GLT1D1: variants seen among roughly 807,000 people sequenced by gnomAD.
GLT1D1 encodes the protein glycosyltransferase 1 domain containing 1, also known as glycosyltransferase 1 domain-containing protein 1.
In GLT1D1, 21 loss-of-function variants were observed where a neutral mutation model predicts 28.7. The ratio of observed to expected loss-of-function variants is 0.73; its 90% CI spans 0.52 to 1.05. GLT1D1 has a LOEUF of 1.05. Among genes scored for constraint, GLT1D1 ranks in the 50% least tolerant of loss-of-function variants. The pLI is 0.00. For missense variants in GLT1D1, 343 were observed against 330.6 expected, an observed-to-expected ratio of 1.04 and a Z score of -0.29; for synonymous variants, 147 against 124.8, an observed-to-expected ratio of 1.18 and a Z score of -1.19.
intron 4 of GLT1D1, among the ~76,000 whole-genome samples, chr12:128,922,948 A>C (rs1305476448): frequency 1.5e-5 from 2 of 137,256 alleles, no homozygotes; most frequent in Non-Finnish European, 3.2e-5. Context: ...AAAAAAAAAG[A>C]GTATTAAGGA....
At chr12:128,926,547 T>C (rs2135916536) in intron 4 of GLT1D1, 93 bp downstream of exon 7, 1 of 664,950 alleles carries the variant, frequency 1.5e-6, no homozygotes, top group Non-Finnish European at 2.6e-6. Flanking sequence ...GAGTTTTCTT[T>C]CCTCATTCTT....
intron 6 of GLT1D1, among the ~76,000 whole-genome samples, chr12:128,954,279 AC>A (rs1169052483): frequency 7.8e-5 from 10 of 127,810 alleles, no homozygotes; most frequent in Non-Finnish European, 1.6e-4. Context: ...CCACCACCAC[AC>A]CCGGCTAATT....
chr12:128,886,863 C>T (rs1311808485), intron 2 of GLT1D1, among the ~76,000 whole-genome samples: 1 of 152,082 alleles, frequency 6.6e-6, no homozygotes, highest in African/African-American at 2.4e-5. Context: ...TCAACATCTC[C>T]CAAAGCCTAA....
In GLT1D1 at chr12:128,888,649, C is replaced by T; in HGVS notation, c.228C>T (p.Ile76=). Residue 76 remains isoleucine, a synonymous_variant, in exon 3 of 8, where the codon ATC becomes ATT. Transcript: ENST00000281703. ...GTCATCGTTTTGCAGGCCACCGAAT[C>T]CCTTTTGGAGTCATCTTTGGTGGAA... 1 of 1,611,374 alleles carries T rather than the reference C, an allele frequency of 6.2e-7. No individual in the cohort carries two copies. Among genetic ancestry groups the T allele is most frequent in the Non-Finnish European group, 8.5e-7 (1 of 1,178,064 alleles).
chr12:128,896,327 T>C (rs1215614477), intron 3 of GLT1D1, among the ~76,000 whole-genome samples: 1 of 152,136 alleles, frequency 6.6e-6, no homozygotes, highest in Non-Finnish European at 1.5e-5. Flanking sequence ...GTCCTGACTT[T>C]ATAAAATATT....
At chr12:128,889,154 G>A (rs117604159) in intron 3 of GLT1D1, among the ~76,000 whole-genome samples, 2,795 of 152,162 alleles carry the variant, frequency 0.018, 41 homozygotes, top group Middle Eastern at 0.048. Flanking sequence ...CAAGTGTTCT[G>A]GATGTAGAAA....
intron 4 of GLT1D1, among the ~76,000 whole-genome samples, chr12:128,913,295 C>T (rs144001629): frequency 1.3e-5 from 2 of 152,280 alleles, no homozygotes; most frequent in Non-Finnish European, 2.9e-5. Flanking sequence ...TCTTGGTTCA[C>T]GTCAACCTCC....
chr12:128,906,903 A>G, intron 4 of GLT1D1: 1 of 702,550 alleles, frequency 1.4e-6, no homozygotes, highest in Non-Finnish European at 2.6e-6. Context: ...AAATTAAAAT[A>G]TAGAAAGCAA....
chr12:128,857,022 A>G (rs1293519154), intron 1 of GLT1D1, among the ~76,000 whole-genome samples: 2 of 152,226 alleles, frequency 1.3e-5, no homozygotes, highest in East Asian at 1.9e-4. Flanking sequence ...GAACGGGCAC[A>G]GAGTTAGAAG....
intron 7 of GLT1D1, among the ~76,000 whole-genome samples, chr12:128,969,827 T>A (rs554161559): frequency 6.6e-6 from 1 of 152,112 alleles, no homozygotes; most frequent in African/African-American, 2.4e-5. Flanking sequence ...CTCTCCACCA[T>A]CTCCTGGGCC....
chr12:128,893,201 C>T (rs1235009694), intron 3 of GLT1D1, among the ~76,000 whole-genome samples: 1 of 152,082 alleles, frequency 6.6e-6, no homozygotes, highest in African/African-American at 2.4e-5. Flanking sequence ...GCTGAGATCT[C>T]GCCATTGCAC....
chr12:128,939,304 G>A (rs565326552), intron 4 of GLT1D1, among the ~76,000 whole-genome samples: 282 of 151,710 alleles, frequency 1.9e-3, no homozygotes, highest in African/African-American at 6.6e-3. Flanking sequence ...GCTCATACCT[G>A]TAATCCTAGC....
In GLT1D1 at chr12:128,853,514, T is replaced by G. The variant is rs1039704770; in HGVS notation, c.-68T>G. ...CGCCCCGGCTCCCCCGCCGTCCGCG[T>G]CTGCGCCGGCCCCGGGGCCTGGTCG... On this transcript the variant is annotated 5_prime_UTR_variant, in exon 1 of 8. Transcript: ENST00000281703. The G allele has an allele frequency of 6.4e-5, 64 of 1,006,512 alleles. No homozygotes were observed. In the African/African-American group the frequency reaches 1.0e-3, roughly 16 times the overall value. 62.3% of individuals were successfully genotyped at this position (1,006,512 alleles called of 1,614,324 possible).
intron 4 of GLT1D1, among the ~76,000 whole-genome samples, chr12:128,939,791 A>G (rs1159305889): frequency 3.3e-5 from 5 of 149,378 alleles, no homozygotes; most frequent in African/African-American, 5.0e-5. Flanking sequence ...TCTCCTGAGA[A>G]CTCCATCGCG....
intron 4 of GLT1D1, among the ~76,000 whole-genome samples, chr12:128,943,990 C>A (rs565400031): frequency 2.0e-5 from 3 of 152,238 alleles, no homozygotes; most frequent in Admixed American, 2.0e-4. Flanking sequence ...CTACCAAATG[C>A]TCTTTTAATT....
chr12:128,938,496 A>G (rs1032956885), intron 4 of GLT1D1, among the ~76,000 whole-genome samples: 15 of 152,250 alleles, frequency 9.9e-5, no homozygotes, highest in African/African-American at 3.6e-4. Context: ...GTTAAATCTC[A>G]GGCTTTCTGG....
At chr12:128,978,576 C>G (rs555159908) in intron 7 of GLT1D1, among the ~76,000 whole-genome samples, 1 of 152,268 alleles carries the variant, frequency 6.6e-6, no homozygotes, top group African/African-American at 2.4e-5. Context: ...CCAGAAGACA[C>G]TGACTGCTGA....
chr12:128,923,646 C>T (rs562740021), intron 4 of GLT1D1, among the ~76,000 whole-genome samples: 1 of 152,138 alleles, frequency 6.6e-6, no homozygotes, highest in African/African-American at 2.4e-5. Flanking sequence ...CTCAGCCTCC[C>T]CAGTAGCTGG....
intron 7 of GLT1D1, among the ~76,000 whole-genome samples, chr12:128,966,146 G>A (rs1565918692): frequency 6.6e-6 from 1 of 152,234 alleles, no homozygotes; most frequent in Non-Finnish European, 1.5e-5. Flanking sequence ...GCATCTTTCT[G>A]TATTCAATGA....
Sources: allele counts gnomAD v4.1 joint callset (sites outside exome capture counted in the v4.1 genomes callset), GRCh38; gene constraint gnomAD v4.1.1; transcripts MANE v1.5; gene names NCBI Gene and HGNC (gene_info 2026-07-23, HGNC 2026-07-21).